Variants in ADAM22 observed in about 807,000 individuals in gnomAD.
ADAM22 encodes disintegrin and metalloproteinase domain-containing protein 22.
ADAM22 carries 65 observed loss-of-function variants against 144.6 expected under a neutral mutation model. That is an observed-to-expected ratio of 0.45 (90% confidence interval 0.37 to 0.55). The LOEUF (loss-of-function observed/expected upper bound fraction) is 0.55. Ranked by LOEUF, ADAM22 falls within the 20% of genes least tolerant of loss-of-function variation. ADAM22 has a pLI of 0.00. For missense variants in ADAM22, 974 were observed against 1,184.9 expected (o/e 0.82, Z 2.61); for synonymous variants, 391 against 412.6 (o/e 0.95, Z 0.63).
chr7:87,983,196 A>G (rs1391950389), intron 3 of ADAM22, among the ~76,000 whole-genome samples: 1 of 152,064 alleles, frequency 6.6e-6, no homozygotes, highest in East Asian at 1.9e-4. Context: ...ATTCAGAATA[A>G]TTTTGTCATT....
chr7:88,052,967 A>T (rs901585490), intron 3 of ADAM22, among the ~76,000 whole-genome samples: 1 of 152,162 alleles, frequency 6.6e-6, no homozygotes, highest in Non-Finnish European at 1.5e-5. Context: ...TATGGGTTAA[A>T]TGTATTTATT....
At chr7:88,008,343 G>T (rs62489880) in intron 3 of ADAM22, among the ~76,000 whole-genome samples, 4 of 148,246 alleles carry the variant, frequency 2.7e-5, no homozygotes, top group Non-Finnish European at 4.5e-5. Flanking sequence ...TCAGTGTGGC[G>T]ATTCCTCAGG....
At chr7:88,192,475 T>C (rs1415164557) in intron 30 of ADAM22, among the ~76,000 whole-genome samples, 3 of 152,192 alleles carry the variant, frequency 2.0e-5, no homozygotes, top group African/African-American at 7.2e-5. Flanking sequence ...AAATGCTGAT[T>C]GTAGGGACTA....
At chr7:88,166,062 T>C (rs1325978399) in intron 24 of ADAM22, 116 bp downstream of exon 24, 1 of 654,052 alleles carries the variant, frequency 1.5e-6, no homozygotes, top group Non-Finnish European at 2.5e-6. Flanking sequence ...CTCATAATAA[T>C]GAATTATACA....
intron 4 of ADAM22, among the ~76,000 whole-genome samples, chr7:88,090,648 A>T (rs1819614776): frequency 6.6e-6 from 1 of 152,138 alleles, no homozygotes; most frequent in African/African-American, 2.4e-5. Context: ...AAATAAAATG[A>T]TTTTTTTAAA....
intron 3 of ADAM22, among the ~76,000 whole-genome samples, chr7:87,989,108 C>A (rs968099707): frequency 1.3e-5 from 2 of 152,146 alleles, no homozygotes; most frequent in African/African-American, 4.8e-5. Flanking sequence ...GATGTTTCCA[C>A]ATGAAAGTTT....
At chr7:87,966,184 G>T (rs1168976251) in intron 2 of ADAM22, among the ~76,000 whole-genome samples, 1 of 152,108 alleles carries the variant, frequency 6.6e-6, no homozygotes, top group Non-Finnish European at 1.5e-5. Context: ...TTTCTCCCCG[G>T]CCTTTTCTGT....
At chr7:88,053,591 G>GGAAAGAAAGAAAGAAA (rs1214968746) in intron 3 of ADAM22, among the ~76,000 whole-genome samples, 34 of 113,328 alleles carry the variant, frequency 3.0e-4, no homozygotes, top group Non-Finnish European at 3.2e-4. Flanking sequence ...AAGGAAGGAA[G>GGAAAGAAAGAAAGAAA]GAAAGAAAGA....
At chr7:88,010,935 C>G (rs559202297) in intron 3 of ADAM22, among the ~76,000 whole-genome samples, 1 of 152,314 alleles carries the variant, frequency 6.6e-6, no homozygotes. Context: ...ACAAAATTCA[C>G]TCTAAGTCTC....
rs1458589760 is a variant in ADAM22, at chr7:87,980,346, A to G, written c.323+1934A>G. Reference sequence around the variant, plus strand: ...TAGGTGGCAGGTGGCTGTTATCTTTATACTATAAAAATCATGATGTGATAC... The same window carrying G: ...TAGGTGGCAGGTGGCTGTTATCTTTGTACTATAAAAATCATGATGTGATAC... On this transcript the variant is annotated intron_variant, in intron 3 of 31. Coordinates refer to ENST00000413139, the MANE Select transcript of ADAM22 (RefSeq NM_001324418.2). Among the ~76,000 whole-genome samples, 5 of 123,188 alleles carry G rather than the reference A, an allele frequency of 4.1e-5. No individual in the cohort carries two copies. In the East Asian group the frequency reaches 1.1e-3, roughly 28 times the overall value. 80.8% of individuals were successfully genotyped at this position (123,188 alleles called of 152,430 possible). A position where few individuals can be genotyped will look rare whatever the true frequency, so the allele number is the denominator to read the frequency against.
At chr7:88,010,797 C>T (rs1007634933) in intron 3 of ADAM22, among the ~76,000 whole-genome samples, 1 of 152,218 alleles carries the variant, frequency 6.6e-6, no homozygotes, top group African/African-American at 2.4e-5. Context: ...TAATTGTCCA[C>T]TGTAGTAGCT....
At position 88,116,833 on chromosome 7, in the gene ADAM22, G is replaced by A. The variant is rs1485522422; in HGVS notation, c.607+19G>A. 1.3e-6 allele frequency: 2 copies of A among 1,577,122 alleles called. No homozygotes were observed. Among genetic ancestry groups the A allele is most frequent in the East Asian group, 2.2e-5 (1 of 44,580 alleles). On this transcript the variant is annotated intron_variant, in intron 7 of 31. Coordinates refer to ENST00000413139, the MANE Select transcript of ADAM22 (RefSeq NM_001324418.2). ...CCATCTGGTATGATGTTCATATAGT[G>A]ACTTTTTATCTAAAAGACAACTTCA...
intron 3 of ADAM22, among the ~76,000 whole-genome samples, chr7:88,026,246 G>A (rs1798999672): frequency 6.6e-6 from 1 of 152,152 alleles, no homozygotes; most frequent in South Asian, 2.1e-4. Flanking sequence ...ATCTGCTTCT[G>A]GGGAGACCTC....
chr7:88,110,803 T>A (rs28760342), intron 5 of ADAM22, among the ~76,000 whole-genome samples: 1 of 2,214 alleles, frequency 4.5e-4, no homozygotes, highest in African/African-American at 1.8e-3. Context: ...AGTGCAGTGG[T>A]ATGATCTCAG....
At chr7:88,111,180 T>C (rs1007324043) in intron 5 of ADAM22, among the ~76,000 whole-genome samples, 2 of 152,120 alleles carry the variant, frequency 1.3e-5, no homozygotes, top group East Asian at 3.9e-4. Context: ...ATAGGATAAA[T>C]ATAACCTTGT....
chr7:87,938,161 C>T (rs1254820165), intron 2 of ADAM22, among the ~76,000 whole-genome samples: 2 of 145,486 alleles, frequency 1.4e-5, no homozygotes, highest in South Asian at 2.2e-4. Flanking sequence ...TTCTCTAATA[C>T]TTAAATAGTT....
chr7:87,963,125 G>A (rs549668646), intron 2 of ADAM22, among the ~76,000 whole-genome samples: 1 of 152,156 alleles, frequency 6.6e-6, no homozygotes, highest in Admixed American at 6.5e-5. Context: ...TCTCCTGGAG[G>A]TACCTGTGTA....
intron 3 of ADAM22, among the ~76,000 whole-genome samples, chr7:88,017,558 G>A (rs1208020946): frequency 6.6e-6 from 1 of 151,886 alleles, no homozygotes; most frequent in East Asian, 1.9e-4. Context: ...TTCACCTAGG[G>A]CTGGCACTTT....
Position 88,125,655 on chromosome 7 carries a change from G to A in ADAM22, c.674G>A (p.Arg225Gln), listed in dbSNP as rs767589177. The A allele has an allele frequency of 5.7e-6, 9 of 1,589,776 alleles. No homozygotes were observed. In the East Asian group the frequency reaches 6.9e-5, roughly 12 times the overall value. The change falls in exon 8 of 32, where the codon CGG becomes CAG. Residue 225 changes from arginine to glutamine, a missense_variant. Arg to Gln is a conservative substitution (Grantham distance 43). Around this residue, in one of 2 missense-constraint regions of ADAM22, gnomAD observed 734 missense variants for 950.6 expected, o/e 0.77. Transcript: ENST00000413139. ...ILKPRPKRSK[R>Q]QLRRYPRNVE... Reference sequence around the variant, plus strand: ...AAGCCAAGACCAAAAAGGAGTAAACGGCAGGTATGTATTCACAGTGGTGTG... The same window carrying A: ...AAGCCAAGACCAAAAAGGAGTAAACAGCAGGTATGTATTCACAGTGGTGTG...
Sources: allele counts gnomAD v4.1 joint callset (sites outside exome capture counted in the v4.1 genomes callset), GRCh38; gene constraint gnomAD v4.1.1; regional missense constraint gnomAD v4.1.1; transcripts MANE v1.5; gene names NCBI Gene and HGNC (gene_info 2026-07-23, HGNC 2026-07-21).